Variants in BCAS3 observed in about 807,000 individuals in gnomAD.
BCAS3 encodes BCAS3 microtubule associated cell migration factor, also known as BCAS4/BCAS3 fusion.
A neutral mutation model predicts 116.1 loss-of-function variants in BCAS3; 53 were observed. The observed-to-expected ratio is 0.46, with a 90% CI of 0.37 to 0.57. BCAS3 has a LOEUF of 0.57. Ranked by LOEUF, BCAS3 falls within the 20% of genes least tolerant of loss-of-function variation. BCAS3 has a pLI of 0.00. For missense variants in BCAS3, 917 were observed against 1,165.4 expected (o/e 0.79, Z 3.10); for synonymous variants, 391 against 408.2 (o/e 0.96, Z 0.51).
Position 61,198,446 on chromosome 17 carries a change from G to A in BCAS3, c.2425+113882G>A, listed in dbSNP as rs1175931466. 1.3e-5 allele frequency among the ~76,000 whole-genome samples: 2 copies of A among 152,040 alleles called. No individual in the cohort carries two copies. The highest frequency in any genetic ancestry group is 4.8e-5 in the African/African-American group (2 of 41,414). ...TGAGCCACTGTGCCCAGCCCGATAT[G>A]TTGATTTTCAAATAATTCATTAATT... is the stretch of plus-strand genomic sequence containing the variant. On this transcript the variant is annotated intron_variant, in intron 22 of 23. Coordinates refer to ENST00000407086, the MANE Select transcript of BCAS3 (RefSeq NM_017679.5). The surrounding 1 kb of genome is among the most constrained non-coding windows in gnomAD (Gnocchi z 5.0).
chr17:60,924,336 T>C (rs1599721292), intron 12 of BCAS3, 71 bp from the exon 13 acceptor site: 1 of 1,319,782 alleles, frequency 7.6e-7, no homozygotes, highest in East Asian at 2.3e-5. Context: ...TGATGTGCCT[T>C]CTTATAGGCT....
At chr17:61,290,494 TACTA>T (rs1422405358) in intron 22 of BCAS3, among the ~76,000 whole-genome samples, 3 of 152,226 alleles carry the variant, frequency 2.0e-5, no homozygotes, top group Non-Finnish European at 4.4e-5. Context: ...GCTTAGCACT[TACTA>T]ACCAAAAATA....
rs975874185 is a variant in BCAS3 at position 61,339,278 on chromosome 17, T to C, written c.2426-29049T>C. Among the ~76,000 whole-genome samples the C allele has an allele frequency of 2.6e-5, 4 of 152,142 alleles. No individual in the cohort carries two copies. The highest frequency in any genetic ancestry group is 5.9e-5 in the Non-Finnish European group (4 of 68,016). Reference sequence around the variant, plus strand: ...GTGCCCACCTCTCCTTCATCCCAGGTCACACCCAAAAGCCAATGAAGAAAG... The same window carrying C: ...GTGCCCACCTCTCCTTCATCCCAGGCCACACCCAAAAGCCAATGAAGAAAG... On this transcript the variant is annotated intron_variant, in intron 22 of 23. Coordinates refer to ENST00000407086, the MANE Select transcript of BCAS3 (RefSeq NM_017679.5). This position sits in a 1 kb window ranked among gnomAD's most constrained non-coding sequence, Gnocchi z 4.4.
At chr17:60,897,681 C>T (rs1469004893) in intron 10 of BCAS3, among the ~76,000 whole-genome samples, 1 of 151,806 alleles carries the variant, frequency 6.6e-6, no homozygotes, top group African/African-American at 2.4e-5. Flanking sequence ...CTCCCTTTTG[C>T]CTGATGTAGT....
intron 6 of BCAS3, among the ~76,000 whole-genome samples, chr17:60,752,546 C>T (rs970017506): frequency 1.3e-5 from 2 of 151,922 alleles, no homozygotes; most frequent in Non-Finnish European, 2.9e-5. Context: ...GCCTCAGCCT[C>T]CCGAGTAGCT....
intron 7 of BCAS3, among the ~76,000 whole-genome samples, chr17:60,813,466 T>G (rs957803417): frequency 3.9e-5 from 6 of 152,172 alleles, no homozygotes; most frequent in Non-Finnish European, 7.4e-5. Context: ...TGGCATTGTT[T>G]TTTGCTTGTT....
chr17:60,804,209 G>A (rs1004493190), intron 6 of BCAS3, among the ~76,000 whole-genome samples: 6 of 151,186 alleles, frequency 4.0e-5, no homozygotes, highest in South Asian at 4.2e-4. Context: ...TTGGCTGGGC[G>A]TGGTGGCTCA....
At chr17:60,776,905 C>G (rs2045346511) in intron 6 of BCAS3, among the ~76,000 whole-genome samples, 1 of 151,304 alleles carries the variant, frequency 6.6e-6, no homozygotes, top group African/African-American at 2.4e-5. Context: ...ATCCTAGCTA[C>G]TCGGGAGGCT....
chr17:61,034,853 T>G lies in BCAS3; in HGVS notation c.1762+63T>G. 6.7e-7 allele frequency: 1 copy of G among 1,498,236 alleles called. No individual in the cohort carries two copies. The highest frequency in any genetic ancestry group is 9.0e-7 in the Non-Finnish European group (1 of 1,105,604). The allele number at this position is 1,498,236 out of a possible 1,614,324, so 92.8% of individuals were successfully genotyped here. The stretch of plus-strand genomic sequence containing the variant: ...AATTTTTGCTTCTTAAGGAAAATTT[T>G]TAGCAGTTTCCCTAGAATAATCTTG... On this transcript the variant is annotated intron_variant, in intron 17 of 23. Coordinates refer to ENST00000407086, the MANE Select transcript of BCAS3 (RefSeq NM_017679.5). The surrounding 1 kb of genome is among the most constrained non-coding windows in gnomAD (Gnocchi z 5.0).
At chr17:60,908,226 T>G (rs958698615) in intron 11 of BCAS3, among the ~76,000 whole-genome samples, 3 of 152,192 alleles carry the variant, frequency 2.0e-5, no homozygotes, top group Admixed American at 2.0e-4. Context: ...AATCTACTGC[T>G]GTCTTCTCTC....
In BCAS3 at chr17:61,276,090, C is replaced by T. The variant is rs111939036; in HGVS notation, c.2426-92237C>T. Among the ~76,000 whole-genome samples, 6,392 of 152,100 alleles carry T rather than the reference C, an allele frequency of 0.042. 459 individuals carry two copies. Among genetic ancestry groups the T allele is most frequent in the African/African-American group, 0.14 (5,983 of 41,464 alleles). ...TGTTGGCCGGGTGCGGTGGCTCACGCGTGTAATCTCAGCACTTTGGGAGGC... is the reference window on the plus strand; with the variant it reads ...TGTTGGCCGGGTGCGGTGGCTCACGTGTGTAATCTCAGCACTTTGGGAGGC... On this transcript the variant is annotated intron_variant, in intron 22 of 23. Coordinates refer to ENST00000407086, the MANE Select transcript of BCAS3 (RefSeq NM_017679.5). The surrounding 1 kb of genome is among the most constrained non-coding windows in gnomAD (Gnocchi z 4.2).
chr17:60,929,266 T>A (rs1186120137), intron 13 of BCAS3, among the ~76,000 whole-genome samples: 1 of 151,926 alleles, frequency 6.6e-6, no homozygotes, highest in South Asian at 2.1e-4. Flanking sequence ...CTAAAAAAAA[T>A]TTTAAAAAAT....
intron 22 of BCAS3, among the ~76,000 whole-genome samples, chr17:61,195,427 A>G (rs538915964): frequency 5.3e-5 from 8 of 152,250 alleles, no homozygotes; most frequent in African/African-American, 1.9e-4. Context: ...TGGTGCAATC[A>G]TGGCTCACTG....
At chr17:60,716,840 A>G (rs189556622) in intron 5 of BCAS3, among the ~76,000 whole-genome samples, 1 of 152,308 alleles carries the variant, frequency 6.6e-6, no homozygotes, top group East Asian at 1.9e-4. Flanking sequence ...TGTCAGTTAT[A>G]CTTACCCCAT....
chr17:61,081,718 A>G (rs752833406), intron 21 of BCAS3, among the ~76,000 whole-genome samples: 1 of 152,144 alleles, frequency 6.6e-6, no homozygotes, highest in Non-Finnish European at 1.5e-5. Context: ...AGTCCTTTTT[A>G]GTACCACCAT....
intron 9 of BCAS3, among the ~76,000 whole-genome samples, chr17:60,881,223 C>A (rs1031493897): frequency 1.3e-5 from 2 of 152,170 alleles, no homozygotes; most frequent in Non-Finnish European, 2.9e-5. Flanking sequence ...ATCCGCCCAC[C>A]TCGGCCTCCC....
intron 5 of BCAS3, among the ~76,000 whole-genome samples, chr17:60,728,715 A>C (rs1465830010): frequency 6.6e-6 from 1 of 151,958 alleles, no homozygotes. Flanking sequence ...CCTGACCTCA[A>C]GCAATCTACC....
intron 22 of BCAS3, among the ~76,000 whole-genome samples, chr17:61,232,878 G>A (rs1287372810): frequency 6.6e-6 from 1 of 152,116 alleles, no homozygotes; most frequent in Non-Finnish European, 1.5e-5. Flanking sequence ...CTATTTAGCA[G>A]GCTACTGCAT....
rs2082392393 is a variant in BCAS3 at position 61,226,762 on chromosome 17, T to C, written c.2426-141565T>C. Among the ~76,000 whole-genome samples, 1 of 152,222 alleles carries C rather than the reference T, an allele frequency of 6.6e-6. No homozygotes were observed. Among genetic ancestry groups the C allele is most frequent in the Non-Finnish European group, 1.5e-5 (1 of 68,034 alleles). On this transcript the variant is annotated intron_variant, in intron 22 of 23. Coordinates refer to ENST00000407086, the MANE Select transcript of BCAS3 (RefSeq NM_017679.5). The surrounding 1 kb of genome is among the most constrained non-coding windows in gnomAD (Gnocchi z 6.0). ...TGTGCCAGATACCCATAGCTTTACA[T>C]GGGATATCTCATTTAATCCTCACAG...
Sources: allele counts gnomAD v4.1 joint callset (sites outside exome capture counted in the v4.1 genomes callset), GRCh38; gene constraint gnomAD v4.1.1; non-coding constraint Gnocchi (gnomAD v3.1); transcripts MANE v1.5; gene names NCBI Gene and HGNC (gene_info 2026-07-23, HGNC 2026-07-21).